MAGI1: variants seen among roughly 807,000 people sequenced by gnomAD.
MAGI1 encodes the protein membrane-associated guanylate kinase, WW and PDZ domain-containing protein 1.
Under a neutral mutation model 139.9 loss-of-function variants are expected in MAGI1, and 58 were observed. The ratio of observed to expected loss-of-function variants is 0.41; its 90% CI spans 0.34 to 0.52. MAGI1 has a LOEUF of 0.52. MAGI1 is among the 20% of genes least tolerant of loss of function. MAGI1 has a pLI of 0.12. For synonymous variants in MAGI1, 812 were observed against 737.9 expected, an observed-to-expected ratio of 1.10 and a Z score of -1.63; for missense variants, 1,874 against 1,901.6, an observed-to-expected ratio of 0.99 and a Z score of 0.27.
At chr3:66,004,554 C>CTGTT (rs2066915082) in intron 1 of MAGI1, among the ~76,000 whole-genome samples, 1 of 152,124 alleles carries the variant, frequency 6.6e-6, no homozygotes, top group Non-Finnish European at 1.5e-5. Context: ...CTGTCATACT[C>CTGTT]TGTTGGTCCA....
intron 1 of MAGI1, among the ~76,000 whole-genome samples, chr3:66,010,013 T>A (rs2067237863): frequency 7.3e-6 from 1 of 137,280 alleles, no homozygotes; most frequent in African/African-American, 2.7e-5. Flanking sequence ...GAGGTGGAAG[T>A]TGCAGAGAGC....
chr3:65,973,777 G>A (rs186358312), intron 1 of MAGI1, among the ~76,000 whole-genome samples: 305 of 152,300 alleles, frequency 2.0e-3, no homozygotes, highest in African/African-American at 7.0e-3. Context: ...ATGGCATAGA[G>A]AAAGCACTCT....
intron 16 of MAGI1, 33 bp downstream of exon 16, chr3:65,381,844 C>A: frequency 1.3e-6 from 2 of 1,555,962 alleles, no homozygotes; most frequent in South Asian, 1.2e-5. Context: ...AAAGTGACAA[C>A]GCACTGTCTG....
chr3:65,630,350 T>C (rs562992893), intron 1 of MAGI1, among the ~76,000 whole-genome samples: 1 of 152,144 alleles, frequency 6.6e-6, no homozygotes, highest in Admixed American at 6.5e-5. Context: ...CTGCAAAGTG[T>C]TGGGGAAAGA....
intron 12 of MAGI1, among the ~76,000 whole-genome samples, chr3:65,410,899 T>A (rs984665558): frequency 6.6e-6 from 1 of 152,180 alleles, no homozygotes; most frequent in African/African-American, 2.4e-5. Flanking sequence ...GGCAGGAGCT[T>A]TTTCTAGCTT....
chr3:65,553,147 T>G (rs574424957), intron 2 of MAGI1, among the ~76,000 whole-genome samples: 28 of 145,978 alleles, frequency 1.9e-4, no homozygotes, highest in African/African-American at 4.2e-4. Flanking sequence ...GAGTTGTTGG[T>G]TTTTTTTTTT....
chr3:65,359,151 C>T (rs199543076), intron 22 of MAGI1: 263 of 1,613,348 alleles, frequency 1.6e-4, no homozygotes, highest in Non-Finnish European at 2.0e-4. Context: ...GAGGTATCAT[C>T]GCTGTGGAAG....
chr3:65,968,612 AT>A (rs2064873600), intron 1 of MAGI1, among the ~76,000 whole-genome samples: 2 of 151,182 alleles, frequency 1.3e-5, no homozygotes, highest in East Asian at 3.9e-4. Flanking sequence ...TATATATTAT[AT>A]TTTTTTAAAG....
chr3:65,794,046 G>T (rs1408040754), intron 1 of MAGI1, among the ~76,000 whole-genome samples: 2 of 151,960 alleles, frequency 1.3e-5, no homozygotes, highest in South Asian at 4.1e-4. Context: ...GTGATTTATT[G>T]CGCTACCACA....
chr3:65,730,496 C>T (rs76140734), intron 1 of MAGI1, among the ~76,000 whole-genome samples: 3,664 of 152,318 alleles, frequency 0.024, 167 homozygotes, highest in African/African-American at 0.083. Context: ...CTTCCCCTCA[C>T]GTCTCATTGG....
At chr3:65,768,956 C>G (rs975384249) in intron 1 of MAGI1, among the ~76,000 whole-genome samples, 2 of 152,130 alleles carry the variant, frequency 1.3e-5, no homozygotes, top group African/African-American at 4.8e-5. Context: ...AGGATTTTGA[C>G]AAAGCAAACC....
chr3:65,812,468 T>TCTCTCACACACACACACACACA lies in MAGI1; in HGVS notation c.314-190381_314-190380insTGTGTGTGTGTGTGTGTGAGAG, dbSNP rs1176899313. Reference sequence around the variant, plus strand: ...CTTTCTCTCTCTCTCTCTCTCTCTCTCACACACACACACACACACACACTT... The same window carrying TCTCTCACACACACACACACACA: ...CTTTCTCTCTCTCTCTCTCTCTCTCTCTCTCACACACACACACACACACACACACACACACACACACACACTT... On this transcript the variant is annotated intron_variant, in intron 1 of 22. Coordinates refer to ENST00000402939, the MANE Select transcript of MAGI1 (RefSeq NM_001033057.2). Among the ~76,000 whole-genome samples the TCTCTCACACACACACACACACA allele has an allele frequency of 6.2e-4, 55 of 89,156 alleles. No homozygotes were observed. In the Middle Eastern group the frequency reaches 0.015, roughly 25 times the overall value. 58.5% of individuals were successfully genotyped at this position (89,156 alleles called of 152,430 possible). A position where few individuals can be genotyped will look rare whatever the true frequency, so the allele number is the denominator to read the frequency against.
chr3:66,015,594 G>A (rs1167166922), intron 1 of MAGI1, among the ~76,000 whole-genome samples: 2 of 152,208 alleles, frequency 1.3e-5, no homozygotes, highest in East Asian at 1.9e-4. Context: ...GGATGGCATA[G>A]AGTAAGGGGT....
intron 2 of MAGI1, among the ~76,000 whole-genome samples, chr3:65,547,426 C>A (rs1397049107): frequency 6.6e-6 from 1 of 152,092 alleles, no homozygotes; most frequent in Non-Finnish European, 1.5e-5. Flanking sequence ...TATAACATAT[C>A]ACGTAGGATT....
intron 1 of MAGI1, among the ~76,000 whole-genome samples, chr3:65,701,124 T>G (rs1459179827): frequency 1.3e-5 from 2 of 152,220 alleles, no homozygotes; most frequent in African/African-American, 4.8e-5. Context: ...CTAAGTGTTA[T>G]TCACATATTA....
chr3:65,594,970 A>C (rs1048826826), intron 2 of MAGI1, among the ~76,000 whole-genome samples: 2 of 152,224 alleles, frequency 1.3e-5, no homozygotes, highest in African/African-American at 4.8e-5. Context: ...AAATCATTAA[A>C]CAGGCAGTTT....
intron 1 of MAGI1, among the ~76,000 whole-genome samples, chr3:65,957,876 C>G (rs1449351946): frequency 2.0e-5 from 3 of 152,082 alleles, no homozygotes; most frequent in African/African-American, 7.2e-5. Context: ...TCAAGTGATT[C>G]TCCTGCCTCA....
intron 1 of MAGI1, among the ~76,000 whole-genome samples, chr3:65,966,675 T>C (rs1299419114): frequency 6.6e-6 from 1 of 152,098 alleles, no homozygotes; most frequent in Non-Finnish European, 1.5e-5. Flanking sequence ...TAAAATAGAT[T>C]TGTGATCAAA....
chr3:65,746,259 C>A (rs1472922242), intron 1 of MAGI1, among the ~76,000 whole-genome samples: 1 of 152,160 alleles, frequency 6.6e-6, no homozygotes, highest in Non-Finnish European at 1.5e-5. Flanking sequence ...TGGTCTCAAA[C>A]TCCTGACCTT....
Sources: gnomAD v4.1 joint callset for allele counts (sites outside exome capture counted in the v4.1 genomes callset) on GRCh38, gnomAD v4.1.1 for gene constraint, MANE v1.5 for transcripts, NCBI Gene and HGNC (gene_info 2026-07-23, HGNC 2026-07-21) for gene names.